The following CDHR5 variants were observed in gnomAD, a reference collection of about 807,000 sequenced individuals.
The protein encoded by CDHR5 is cadherin-related family member 5.
A neutral mutation model predicts 69.5 loss-of-function variants in CDHR5; 82 were observed. The observed-to-expected ratio is 1.18, with a 90% CI of 0.99 to 1.42. The LOEUF (loss-of-function observed/expected upper bound fraction) is 1.42, where lower values mean the gene tolerates loss of function less well. CDHR5 is among the 40% of genes most tolerant of loss of function. CDHR5 has a pLI of 0.00. For synonymous variants in CDHR5, 601 were observed against 510.2 expected (o/e 1.18, Z -2.40); for missense variants, 1,293 against 1,168.9 (o/e 1.11, Z -1.55).
chr11:619,161 C>T lies in CDHR5; in HGVS notation c.1398G>A (p.Glu466=), dbSNP rs760935561. The change falls in exon 13 of 15, where the codon GAG becomes GAA. Residue 466 remains glutamate (E), a synonymous_variant. Transcript: ENST00000397542. ...PPSTDVPPSP[E]AGGTTGPWTS... ...TCCAGGGCCCAGTTGTTCCTCCAGC[C>T]TCTGGGGATGGGGGGACATCTGGGG... 1.3e-6 allele frequency: 2 copies of T among 1,553,726 alleles called. No individual in the cohort carries two copies. The highest frequency in any genetic ancestry group is 2.0e-5 in the Admixed American group (1 of 50,570).
chr11:617,099 G>A lies in CDHR5; in HGVS notation c.*252C>T, dbSNP rs763789294. Reference sequence around the variant, plus strand: ...CCTCGGGAAGGCGGCGGGCACTGCAGGTGGTTTACGGGAAGTGCTGCAGCC... The same window carrying A: ...CCTCGGGAAGGCGGCGGGCACTGCAAGTGGTTTACGGGAAGTGCTGCAGCC... On this transcript the variant is annotated 3_prime_UTR_variant, in exon 15 of 15. Coordinates refer to ENST00000397542, the MANE Select transcript of CDHR5 (RefSeq NM_021924.5). The A allele has an allele frequency of 2.5e-4, 136 of 537,172 alleles. No homozygotes were observed. Among genetic ancestry groups the A allele is most frequent in the Non-Finnish European group, 3.7e-4 (112 of 304,008 alleles). 33.3% of individuals were successfully genotyped at this position (537,172 alleles called of 1,614,324 possible).
chr11:624,734 T>C lies in CDHR5; in HGVS notation c.86-2A>G. On this transcript the variant is annotated splice_acceptor_variant, in intron 1 of 14. Coordinates refer to ENST00000397542, the MANE Select transcript of CDHR5 (RefSeq NM_021924.5). LOFTEE classifies it high-confidence loss of function. This position sits in a 1 kb window ranked among gnomAD's most constrained non-coding sequence, Gnocchi z 5.3. ...AGATGTCCTTGTTCACAGAGCAGTC[T>C]GTAAGGTTGCAGAGGAGGGATCAGT... 6.2e-7 allele frequency: 1 copy of C among 1,605,692 alleles called. No individual in the cohort carries two copies. The highest frequency in any genetic ancestry group is 2.2e-5 in the East Asian group (1 of 44,712).
rs1373775069 is a variant in CDHR5, at chr11:617,392, C to T, written c.2497G>A (p.Gly833Ser). ...DEGEGAGRGG[G>S]PYDAPGGDDS... ...TCACCACCGGGCGCATCGTAGGGAC[C>T]CCCACCCCTCCCCGCGCCCTCGCCC... Residue 833 changes from glycine to serine, a missense_variant, in exon 15 of 15, where the codon GGT becomes AGT. By Grantham distance (56) the Gly-to-Ser change is moderately conservative. Transcript: ENST00000397542. 2.5e-6 allele frequency: 4 copies of T among 1,610,110 alleles called. No individual in the cohort carries two copies. Among genetic ancestry groups the T allele is most frequent in the East Asian group, 2.2e-5 (1 of 44,838 alleles).
chr11:622,858 A>T (rs1370062524), intron 3 of CDHR5, among the ~76,000 whole-genome samples: 1 of 152,142 alleles, frequency 6.6e-6, no homozygotes. Context: ...AATGTCCAGG[A>T]TGCCACATTC....
Position 619,301 on chromosome 11 carries a change from C to T in CDHR5, c.1378+5G>A. ...CTGGGGGCTCACCTGTGGAGGGGGG[C>T]TTACCTGTGGAGGGGGGCTCCTGTT... On this transcript the variant is annotated splice_donor_5th_base_variant and intron_variant, in intron 12 of 14. Coordinates refer to ENST00000397542, the MANE Select transcript of CDHR5 (RefSeq NM_021924.5). The T allele has an allele frequency of 6.3e-7, 1 of 1,599,374 alleles. No individual in the cohort carries two copies. The highest frequency in any genetic ancestry group is 1.1e-5 in the South Asian group (1 of 90,626).
rs1449704062 is a variant in CDHR5 at position 621,623 on chromosome 11, A to G, written c.446T>C (p.Leu149Pro). Reference sequence around the variant, plus strand: ...GTCCTTGTCGCGGTCCTCAGCCTGCAGTTGCGTCTCGGGGATGACGGTGGA... The same window carrying G: ...GTCCTTGTCGCGGTCCTCAGCCTGCGGTTGCGTCTCGGGGATGACGGTGGA... ...VNSTVIPETQ[L>P]QAEDRDKDDI... Residue 149 changes from leucine to proline, a missense_variant, in exon 5 of 15, where the codon CTG becomes CCG. By Grantham distance (98) the Leu-to-Pro change is moderately conservative. Transcript: ENST00000397542. This position sits in a 1 kb window ranked among gnomAD's most constrained non-coding sequence, Gnocchi z 4.4. 9.9e-6 allele frequency: 16 copies of G among 1,612,972 alleles called. No homozygotes were observed. The highest frequency in any genetic ancestry group is 1.4e-5 in the Non-Finnish European group (16 of 1,179,666).
At chr11:619,905 G>A in intron 9 of CDHR5, 24 bp from the exon 10 acceptor site, 1 of 1,513,220 alleles carries the variant, frequency 6.6e-7, no homozygotes, top group African/African-American at 1.4e-5. Context: ...AGGCAGCAGT[G>A]ACTAGTGGGG....
Position 618,004 on chromosome 11 carries a change from C to CA in CDHR5, c.2067dup (p.Val690CysfsTer25). ...AGCCGGGGGCCATAGTGCTTGTGGACAAGGACGGCGAGGCCAAGGAGAGCC... is the reference window on the plus strand; with the variant it reads ...AGCCGGGGGCCATAGTGCTTGTGGACAAAGGACGGCGAGGCCAAGGAGAGCC... On this transcript the variant is annotated frameshift_variant, in exon 14 of 15. Coordinates refer to ENST00000397542, the MANE Select transcript of CDHR5 (RefSeq NM_021924.5). LOFTEE classifies it high-confidence loss of function. The CA allele has an allele frequency of 6.2e-7, 1 of 1,612,386 alleles. No individual in the cohort carries two copies.
chr11:619,684 G>C lies in CDHR5; in HGVS notation c.1176C>G (p.Phe392Leu), dbSNP rs1227134745. 1.9e-6 allele frequency: 3 copies of C among 1,613,190 alleles called. No homozygotes were observed. Among genetic ancestry groups the C allele is most frequent in the Non-Finnish European group, 2.5e-6 (3 of 1,179,936 alleles). ...AGGCCTTGGATGCACTCTCTACCGAGAACTCCGGGTCCTGAGCCTGGATCC... is the reference window on the plus strand; with the variant it reads ...AGGCCTTGGATGCACTCTCTACCGACAACTCCGGGTCCTGAGCCTGGATCC... ...PLRIQAQDPE[F>L]SDLNSAITYR... The change falls in exon 10 of 15, where the codon TTC becomes TTG. Residue 392 changes from phenylalanine to leucine, a missense_variant. Coordinates refer to ENST00000397542, the MANE Select transcript of CDHR5 (RefSeq NM_021924.5).
intron 9 of CDHR5, 52 bp downstream of exon 9, chr11:620,015 A>G (rs1857271641): frequency 5.4e-6 from 5 of 933,152 alleles, no homozygotes; most frequent in Non-Finnish European, 6.3e-6. Context: ...CCCCCGCCCT[A>G]CCTTCCACCC....
chr11:624,809 C>T lies in CDHR5; in HGVS notation c.85+9G>A, dbSNP rs767846253. 25 of 1,609,038 alleles carry T rather than the reference C, an allele frequency of 1.6e-5. No homozygotes were observed. The highest frequency in any genetic ancestry group is 1.2e-4 in the Admixed American group (7 of 58,890). On this transcript the variant is annotated intron_variant, in intron 1 of 14. Transcript: ENST00000397542. The surrounding 1 kb of genome is among the most constrained non-coding windows in gnomAD (Gnocchi z 5.3). ...CGCCCGTGCCCCACCTACCCCTGCCCGCACATACACTGGGCCTGGGCCATG... is the reference window on the plus strand; with the variant it reads ...CGCCCGTGCCCCACCTACCCCTGCCTGCACATACACTGGGCCTGGGCCATG...
Position 624,560 on chromosome 11 carries a change from G to A in CDHR5, c.258C>T (p.Tyr86=), listed in dbSNP as rs200377286. The change falls in exon 2 of 15, where the codon TAC becomes TAT. Residue 86 remains tyrosine, a synonymous_variant. Coordinates refer to ENST00000397542, the MANE Select transcript of CDHR5 (RefSeq NM_021924.5). This position sits in a 1 kb window ranked among gnomAD's most constrained non-coding sequence, Gnocchi z 5.3. ...NQLFLNVTPD[Y]EEKSLLEAQL... is the part of the protein sequence containing the mutation. ...CCCGCCCGCCTGCCGCCCACACCTCGTAATCAGGAGTCACGTTGAGAAACA... is the reference window on the plus strand; with the variant it reads ...CCCGCCCGCCTGCCGCCCACACCTCATAATCAGGAGTCACGTTGAGAAACA... 18 of 1,605,958 alleles carry A rather than the reference G, an allele frequency of 1.1e-5. 1 individual carries two copies. Among genetic ancestry groups the A allele is most frequent in the Middle Eastern group, 1.7e-4 (1 of 6,030 alleles).
At position 617,524 on chromosome 11, in the gene CDHR5, T is replaced by C; in HGVS notation, c.2365A>G (p.Lys789Glu). Residue 789 changes from lysine to glutamate, a missense_variant, in exon 15 of 15, where the codon AAG becomes GAG. Physicochemically the swap from Lys to Glu is moderately conservative, Grantham distance 56 (BLOSUM62 1). Transcript: ENST00000397542. ...TKERRPEGGY[K>E]AVWFGEDIGT... Reference sequence around the variant, plus strand: ...ATGTCCTCGCCAAACCAGACAGCCTTGTACCCGCCCTCCGGCCGCCGCTCC... The same window carrying C: ...ATGTCCTCGCCAAACCAGACAGCCTCGTACCCGCCCTCCGGCCGCCGCTCC... 2.5e-6 allele frequency: 4 copies of C among 1,612,602 alleles called. No individual in the cohort carries two copies. The highest frequency in any genetic ancestry group is 3.4e-6 in the Non-Finnish European group (4 of 1,179,792).
In CDHR5 at chr11:617,366, A is replaced by G. The variant is rs577978831; in HGVS notation, c.2523T>C (p.Asp841=). 2.5e-6 allele frequency: 4 copies of G among 1,606,312 alleles called. No homozygotes were observed. The Admixed American group carries it at 5.0e-5, about 20-fold the overall frequency. The change falls in exon 15 of 15, where the codon GAT becomes GAC. Residue 841 remains aspartate, a synonymous_variant. Coordinates refer to ENST00000397542, the MANE Select transcript of CDHR5 (RefSeq NM_021924.5). The stretch of plus-strand genomic sequence containing the variant: ...GAGGGGCCACTTAGATGTAGGAGTC[A>G]TCACCACCGGGCGCATCGTAGGGAC... ...GGGPYDAPGG[D]DSYI is the part of the protein sequence containing the mutation.
At chr11:622,750 C>T (rs1287438934) in intron 3 of CDHR5, among the ~76,000 whole-genome samples, 1 of 151,508 alleles carries the variant, frequency 6.6e-6, no homozygotes, top group Non-Finnish European at 1.5e-5. Flanking sequence ...TGCTGGGATT[C>T]CAGGTGTGAG....
At chr11:617,846 C>T in intron 14 of CDHR5, 76 bp from the exon 15 acceptor site, 1 of 1,483,806 alleles carries the variant, frequency 6.7e-7, no homozygotes, top group Non-Finnish European at 9.0e-7. Flanking sequence ...TCATTCCACG[C>T]TGGACACCCC....
chr11:621,594 T>A lies in CDHR5; in HGVS notation c.475A>T (p.Ile159Phe). Residue 159 changes from isoleucine to phenylalanine, a missense_variant, in exon 5 of 15, where the codon ATT becomes TTT. Physicochemically the swap from Ile to Phe is conservative, Grantham distance 21. Coordinates refer to ENST00000397542, the MANE Select transcript of CDHR5 (RefSeq NM_021924.5). This position sits in a 1 kb window ranked among gnomAD's most constrained non-coding sequence, Gnocchi z 4.4. ...ATTTCCTGGAGGGTGTAGAACAGAATGTCGTCCTTGTCGCGGTCCTCAGCC... is the reference window on the plus strand; with the variant it reads ...ATTTCCTGGAGGGTGTAGAACAGAAAGTCGTCCTTGTCGCGGTCCTCAGCC... ...LQAEDRDKDD[I>F]LFYTLQEMTA... The A allele has an allele frequency of 1.2e-6, 2 of 1,613,630 alleles. No individual in the cohort carries two copies. Among genetic ancestry groups the A allele is most frequent in the Non-Finnish European group, 1.7e-6 (2 of 1,179,810 alleles).
chr11:624,939 G>A lies in CDHR5; in HGVS notation c.-37C>T. 6.7e-7 allele frequency: 1 copy of A among 1,498,550 alleles called. No homozygotes were observed. Among genetic ancestry groups the A allele is most frequent in the Non-Finnish European group, 9.0e-7 (1 of 1,113,936 alleles). The allele number at this position is 1,498,550 out of a possible 1,614,324, so 92.8% of individuals were successfully genotyped here. The stretch of plus-strand genomic sequence containing the variant: ...TCACCTGGCAGGAGGGTCTGAGCGG[G>A]TCTGGCGTCTAGGACTGGCGCAGTT... On this transcript the variant is annotated 5_prime_UTR_variant, in exon 1 of 15. Transcript: ENST00000397542. The surrounding 1 kb of genome is among the most constrained non-coding windows in gnomAD (Gnocchi z 5.3).
At position 619,604 on chromosome 11, in the gene CDHR5, T is replaced by A; in HGVS notation, c.1180-17A>T. The A allele has an allele frequency of 6.2e-7, 1 of 1,609,494 alleles. No individual in the cohort carries two copies. The highest frequency in any genetic ancestry group is 8.5e-7 in the Non-Finnish European group (1 of 1,176,018). On this transcript the variant is annotated splice_polypyrimidine_tract_variant and intron_variant, in intron 10 of 14. Transcript: ENST00000397542. ...GTTGAGGTCCTGGACAGGGTCTCATTGAGTCCCCGGCCAGGCTGCCTCCCA... is the reference window on the plus strand; with the variant it reads ...GTTGAGGTCCTGGACAGGGTCTCATAGAGTCCCCGGCCAGGCTGCCTCCCA...
Sources: gnomAD v4.1 joint callset for allele counts (sites outside exome capture counted in the v4.1 genomes callset) on GRCh38, gnomAD v4.1.1 for gene constraint, Gnocchi (gnomAD v3.1) non-coding constraint, MANE v1.5 for transcripts, NCBI Gene and HGNC (gene_info 2026-07-23, HGNC 2026-07-21) for gene names.